RANBP1: variants seen among roughly 807,000 people sequenced by gnomAD.
RANBP1 encodes the protein RAN binding protein 1.
A neutral mutation model predicts 31.4 loss-of-function variants in RANBP1; 16 were observed. The observed-to-expected ratio is 0.51, with a 90% CI of 0.34 to 0.77. The LOEUF (loss-of-function observed/expected upper bound fraction) is 0.77, where lower values mean the gene tolerates loss of function less well. Ranked by LOEUF, RANBP1 falls within the 30% of genes least tolerant of loss-of-function variation. RANBP1 has a pLI of 0.01. For missense variants in RANBP1, 265 were observed against 362.0 expected (o/e 0.73, Z 2.17); for synonymous variants, 129 against 140.5 (o/e 0.92, Z 0.58).
intron 5 of RANBP1, 178 bp downstream of exon 5, chr22:20,126,546 G>A (rs1195091648): frequency 1.9e-6 from 3 of 1,569,362 alleles, no homozygotes; most frequent in Non-Finnish European, 2.6e-6. Context: ...GGAGCCCTGA[G>A]CACTTGTCAG....
rs776756672 is a variant in RANBP1 at position 20,122,460 on chromosome 22, G to A, written c.541+39G>A. 3.1e-6 allele frequency: 5 copies of A among 1,611,128 alleles called. No homozygotes were observed. In the African/African-American group the frequency reaches 4.0e-5, roughly 13 times the overall value. On this transcript the variant is annotated intron_variant, in intron 3 of 5. Coordinates refer to ENST00000430524, the MANE Select transcript of RANBP1 (RefSeq NM_001278639.2). ...ACGACCACCTCGACAGTCCCCAGCA[G>A]CTTGGCCTGGGACCTTTGGGAAGAT...
Position 20,126,382 on chromosome 22 carries a change from A to G in RANBP1, c.736+14A>G, listed in dbSNP as rs1380001836. ...GAGAAAAGAAAGGTGACGTGGTGCC[A>G]TGGGTTGGGGGGCTTCTTTGCAGAC... On this transcript the variant is annotated intron_variant, in intron 5 of 5. Coordinates refer to ENST00000430524, the MANE Select transcript of RANBP1 (RefSeq NM_001278639.2). The G allele has an allele frequency of 1.2e-6, 2 of 1,613,930 alleles. No homozygotes were observed. The highest frequency in any genetic ancestry group is 1.7e-6 in the Non-Finnish European group (2 of 1,179,952).
intron 3 of RANBP1, chr22:20,122,668 G>A (rs2147983807): frequency 6.2e-6 from 9 of 1,452,560 alleles, no homozygotes; most frequent in African/African-American, 1.4e-5. Flanking sequence ...ATGGGAGGAC[G>A]CAGCGCCCAG....
chr22:20,122,478 G>C, intron 3 of RANBP1, 57 bp downstream of exon 3: 2 of 1,610,352 alleles, frequency 1.2e-6, no homozygotes, highest in Middle Eastern at 1.7e-4. Context: ...TGGGACCTTT[G>C]GGAAGATTCA....
intron 1 of RANBP1, among the ~76,000 whole-genome samples, chr22:20,118,700 G>C (rs561836067): frequency 6.6e-6 from 1 of 152,352 alleles, no homozygotes; most frequent in South Asian, 2.1e-4. Context: ...GTTTCTGCCA[G>C]GCCACTCTCT....
intron 1 of RANBP1, chr22:20,117,169 C>A: frequency 1.8e-6 from 1 of 556,894 alleles, no homozygotes; most frequent in Non-Finnish European, 3.0e-6. Flanking sequence ...GCCGGCCGCT[C>A]GCTTCGCCAG....
rs202049598 is a variant in RANBP1, at chr22:20,119,016, A to C, written c.250A>C (p.Thr84Pro). 3 of 1,612,004 alleles carry C rather than the reference A, an allele frequency of 1.9e-6. No individual in the cohort carries two copies. The highest frequency in any genetic ancestry group is 1.7e-5 in the Admixed American group (1 of 59,930). The change falls in exon 2 of 6, where the codon ACT (threonine) becomes CCT (proline). Residue 84 changes from threonine to proline, a missense_variant. Thr to Pro is a conservative substitution (Grantham distance 38, BLOSUM62 -1). Coordinates refer to ENST00000430524, the MANE Select transcript of RANBP1 (RefSeq NM_001278639.2). ...TAACCTCTTTGTATCTCCACAGGAC[A>C]CTCATGAGGACCATGATACTTCCAC... is the stretch of plus-strand genomic sequence containing the variant. ...CSSSLKISED[T>P]HEDHDTSTEN...
At chr22:20,122,167 T>A in intron 2 of RANBP1, 97 bp from the exon 3 acceptor site, 1 of 1,386,870 alleles carries the variant, frequency 7.2e-7, no homozygotes, top group Non-Finnish European at 9.9e-7. Context: ...CGTGGAGGCA[T>A]GGGGTCCTGC....
chr22:20,117,552 G>A, intron 1 of RANBP1: 1 of 1,407,068 alleles, frequency 7.1e-7, no homozygotes, highest in Non-Finnish European at 9.3e-7. Flanking sequence ...GGAGGCGCCG[G>A]CGCCAGACGC....
At position 20,126,290 on chromosome 22, in the gene RANBP1, C is replaced by G. The variant is rs1380659223; in HGVS notation, c.671-13C>G. On this transcript the variant is annotated splice_polypyrimidine_tract_variant and intron_variant, in intron 4 of 5. Transcript: ENST00000430524. ...TCACAGCTCTTAGGAAGTCTTCGCT[C>G]TCCCTTCCACAGATGCACAGAAATT... 3.7e-6 allele frequency: 6 copies of G among 1,610,624 alleles called. No homozygotes were observed. In the East Asian group the frequency reaches 6.7e-5, roughly 18 times the overall value.
intron 2 of RANBP1, among the ~76,000 whole-genome samples, chr22:20,121,289 G>C (rs958609358): frequency 2.6e-5 from 4 of 151,806 alleles, no homozygotes; most frequent in Admixed American, 1.3e-4. Context: ...CGCTCTTGCT[G>C]CCCAGGCTGG....
At chr22:20,120,945 G>T (rs775428771) in intron 2 of RANBP1, among the ~76,000 whole-genome samples, 1 of 152,208 alleles carries the variant, frequency 6.6e-6, no homozygotes, top group Admixed American at 6.5e-5. Flanking sequence ...GATCTCTGGG[G>T]CTGGGGTGCT....
At chr22:20,116,571 A>C (rs1325211021) in intron 1 of RANBP1, 141 bp downstream of exon 1, 2 of 1,573,350 alleles carry the variant, frequency 1.3e-6, no homozygotes, top group South Asian at 2.3e-5. Flanking sequence ...AGCTCAGGGC[A>C]CTGCTGCTCT....
chr22:20,125,554 G>A (rs1175162909), intron 4 of RANBP1, 118 bp downstream of exon 4: 1 of 1,536,694 alleles, frequency 6.5e-7, no homozygotes, highest in Non-Finnish European at 8.7e-7. Context: ...ACTGGGAAGT[G>A]TGTCGTGTGG....
chr22:20,119,446 C>G (rs1169633883), intron 2 of RANBP1: 1 of 369,986 alleles, frequency 2.7e-6, no homozygotes, highest in Non-Finnish European at 5.0e-6. Flanking sequence ...CAGGGAGTCC[C>G]TTGGTTGAGC....
In RANBP1 at chr22:20,119,191, G is replaced by C. The variant is rs753688957; in HGVS notation, c.383+42G>C. On this transcript the variant is annotated intron_variant, in intron 2 of 5. Transcript: ENST00000430524. ...CCCAGAAATAGGACTCTTTAAGGTT[G>C]AGGTTACAACTTTTATGGGTGTCCA... is the stretch of plus-strand genomic sequence containing the variant. 4.4e-6 allele frequency: 7 copies of C among 1,590,894 alleles called. No homozygotes were observed. In the Admixed American group the frequency reaches 1.2e-4, roughly 27 times the overall value.
Position 20,116,350 on chromosome 22 carries a change from A to C in RANBP1, c.166A>C (p.Lys56Gln). Residue 56 changes from lysine (K) to glutamine (Q), a missense_variant, in exon 1 of 6, where the codon AAG (lysine) becomes CAG (glutamine). This residue lies in a region of RANBP1 where 126 missense variants were observed against 123.6 expected (regional missense o/e 1.02). Transcript: ENST00000430524. ...KSLVLWGCRP[K>Q]RPRKRRTSLK... is the part of the protein sequence containing the mutation. ...TTTGGTTTTGTGGGGCTGCAGACCAAAGCGGCCCAGGAAGCGCCGGACGTC... is the reference window on the plus strand; with the variant it reads ...TTTGGTTTTGTGGGGCTGCAGACCACAGCGGCCCAGGAAGCGCCGGACGTC... 2 of 1,612,966 alleles carry C rather than the reference A, an allele frequency of 1.2e-6. No individual in the cohort carries two copies. Among genetic ancestry groups the C allele is most frequent in the Non-Finnish European group, 1.7e-6 (2 of 1,179,988 alleles).
intron 4 of RANBP1, 138 bp downstream of exon 4, chr22:20,125,574 C>G: frequency 1.3e-6 from 2 of 1,530,474 alleles, no homozygotes; most frequent in Non-Finnish European, 1.8e-6. Flanking sequence ...GGCTGCCCTG[C>G]CCTGCTGTTT....
chr22:20,118,135 C>A, intron 1 of RANBP1: 2 of 1,001,028 alleles, frequency 2.0e-6, no homozygotes, highest in Non-Finnish European at 2.4e-6. Context: ...GGCACAGGTC[C>A]TAGATGCGCC....
Sources: gnomAD v4.1 joint callset for allele counts (sites outside exome capture counted in the v4.1 genomes callset) on GRCh38, gnomAD v4.1.1 for gene constraint, gnomAD v4.1.1 regional missense constraint, MANE v1.5 for transcripts, NCBI Gene and HGNC (gene_info 2026-07-23, HGNC 2026-07-21) for gene names.